The following SGCZ variants were observed in gnomAD, a reference collection of about 807,000 sequenced individuals.
The protein encoded by SGCZ is sarcoglycan zeta.
Under a neutral mutation model 41.3 loss-of-function variants are expected in SGCZ, and 40 were observed. That is an observed-to-expected ratio of 0.97 (90% CI 0.75 to 1.26). SGCZ has a LOEUF of 1.26. SGCZ is among the 50% of genes most tolerant of loss of function. SGCZ has a pLI of 0.00. For synonymous variants in SGCZ, 206 were observed against 137.5 expected (o/e 1.50, Z -3.49); for missense variants, 552 against 369.8 (o/e 1.49, Z -4.04).
chr8:14,661,222 A>T (rs1406645352), intron 1 of SGCZ, among the ~76,000 whole-genome samples: 1 of 152,164 alleles, frequency 6.6e-6, no homozygotes, highest in African/African-American at 2.4e-5. Context: ...ATGGTGTATA[A>T]AATTGCTGTG....
At chr8:14,796,357 G>A (rs1801129078) in intron 1 of SGCZ, among the ~76,000 whole-genome samples, 1 of 152,032 alleles carries the variant, frequency 6.6e-6, no homozygotes, top group African/African-American at 2.4e-5. Context: ...GGCCTCAAGT[G>A]ATCATTCCAC....
At chr8:15,117,491 A>G (rs1038302015) in intron 1 of SGCZ, among the ~76,000 whole-genome samples, 1 of 152,162 alleles carries the variant, frequency 6.6e-6, no homozygotes, top group African/African-American at 2.4e-5. Context: ...GAAGTTGAGA[A>G]TACAGAGGGA....
chr8:14,359,064 ATT>A (rs1196174954), intron 2 of SGCZ, among the ~76,000 whole-genome samples: 1 of 152,114 alleles, frequency 6.6e-6, no homozygotes, highest in African/African-American at 2.4e-5. Context: ...ATTCTTTGTT[ATT>A]TTAAAATATA....
At chr8:15,010,308 T>C (rs558356668) in intron 1 of SGCZ, among the ~76,000 whole-genome samples, 11 of 152,352 alleles carry the variant, frequency 7.2e-5, no homozygotes, top group African/African-American at 2.6e-4. Context: ...AATAACATTA[T>C]TAGTTTCTGC....
At chr8:14,447,265 T>A (rs1800459530) in intron 2 of SGCZ, among the ~76,000 whole-genome samples, 1 of 152,192 alleles carries the variant, frequency 6.6e-6, no homozygotes, top group Non-Finnish European at 1.5e-5. Flanking sequence ...CAAACCAAGA[T>A]CTTTTCTTGC....
intron 1 of SGCZ, among the ~76,000 whole-genome samples, chr8:14,691,665 T>C (rs1466672006): frequency 6.6e-6 from 1 of 151,958 alleles, no homozygotes; most frequent in Non-Finnish European, 1.5e-5. Flanking sequence ...GTTCCATAAA[T>C]AAAGAAAGCA....
At chr8:14,837,277 A>G (rs377571043) in intron 1 of SGCZ, among the ~76,000 whole-genome samples, 8 of 152,320 alleles carry the variant, frequency 5.3e-5, no homozygotes, top group Admixed American at 4.6e-4. Context: ...TTGCACAAAG[A>G]TCACAATGAA....
chr8:15,012,591 AATAT>A (rs994089666), intron 1 of SGCZ, among the ~76,000 whole-genome samples: 15 of 134,518 alleles, frequency 1.1e-4, no homozygotes, highest in African/African-American at 3.7e-4. Flanking sequence ...ATAACATATA[AATAT>A]ATATTTATAT....
intron 1 of SGCZ, among the ~76,000 whole-genome samples, chr8:15,132,574 A>T (rs1402318343): frequency 6.6e-6 from 1 of 152,294 alleles, no homozygotes; most frequent in East Asian, 1.9e-4. Flanking sequence ...TTTTGGGAGT[A>T]CTGTGGGTTT....
At position 14,411,100 on chromosome 8, in the gene SGCZ, A is replaced by T. The variant is rs191929636; in HGVS notation, c.235-86896T>A. On this transcript the variant is annotated intron_variant, in intron 2 of 7. Transcript: ENST00000382080. ...TAAACAACTCTACTATGAAATTAAA[A>T]TATCATTATGGCGCCAACCAATGCG... 3.3e-5 allele frequency among the ~76,000 whole-genome samples: 5 copies of T among 152,272 alleles called. No individual in the cohort carries two copies. The East Asian group carries it at 9.6e-4, about 29-fold the overall frequency.
intron 1 of SGCZ, among the ~76,000 whole-genome samples, chr8:14,712,914 A>G (rs767953336): frequency 6.6e-6 from 1 of 152,032 alleles, no homozygotes; most frequent in Non-Finnish European, 1.5e-5. Context: ...TTTTTAAACA[A>G]TAAACCAATT....
In SGCZ at chr8:14,729,012, C is replaced by G. The variant is rs540852079; in HGVS notation, c.40-174086G>C. 2.0e-5 allele frequency among the ~76,000 whole-genome samples: 3 copies of G among 152,282 alleles called. No homozygotes were observed. The South Asian group carries it at 6.2e-4, about 32-fold the overall frequency. On this transcript the variant is annotated intron_variant, in intron 1 of 7. Coordinates refer to ENST00000382080, the MANE Select transcript of SGCZ (RefSeq NM_139167.4). ...GTTTAGTGACCTAGTTTTAAAATTA[C>G]TCTTTGTAATGTGGTCACTAGGAAT...
At chr8:14,319,465 G>A (rs1051686461) in intron 3 of SGCZ, 1 of 152,020 alleles carries the variant, frequency 6.6e-6, no homozygotes, top group African/African-American at 2.4e-5. Context: ...CACTGTTACA[G>A]TTCTTTCAGA....
intron 5 of SGCZ, among the ~76,000 whole-genome samples, chr8:14,140,310 T>C (rs867133948): frequency 1.6e-4 from 25 of 152,250 alleles, no homozygotes; most frequent in African/African-American, 6.0e-4. Flanking sequence ...CTGTTGAAAG[T>C]TCTGGCCAGG....
chr8:14,656,304 T>G (rs1807566121), intron 1 of SGCZ, among the ~76,000 whole-genome samples: 1 of 151,988 alleles, frequency 6.6e-6, no homozygotes, highest in Admixed American at 6.6e-5. Context: ...CAGCAAGATT[T>G]GTTACAGCCC....
chr8:15,070,165 T>G (rs1311433758), intron 1 of SGCZ, among the ~76,000 whole-genome samples: 3 of 152,166 alleles, frequency 2.0e-5, no homozygotes, highest in Non-Finnish European at 4.4e-5. Context: ...ATATTAGTTA[T>G]TCTCAGCAAG....
intron 1 of SGCZ, among the ~76,000 whole-genome samples, chr8:14,630,959 A>T (rs1340062062): frequency 6.6e-6 from 1 of 152,124 alleles, no homozygotes; most frequent in Admixed American, 6.6e-5. Flanking sequence ...AATATGGCAC[A>T]TGTATACATA....
intron 1 of SGCZ, among the ~76,000 whole-genome samples, chr8:14,645,236 C>A (rs1400812123): frequency 6.6e-6 from 1 of 150,568 alleles, no homozygotes; most frequent in African/African-American, 2.4e-5. Context: ...AAAGGGTTCA[C>A]AATGACAACT....
intron 1 of SGCZ, among the ~76,000 whole-genome samples, chr8:14,777,034 A>G (rs1038171945): frequency 3.3e-5 from 5 of 152,208 alleles, no homozygotes; most frequent in African/African-American, 2.4e-5. Context: ...CATGTATTCT[A>G]TCTGTGAGGA....
Sources: allele counts gnomAD v4.1 joint callset (sites outside exome capture counted in the v4.1 genomes callset), GRCh38; gene constraint gnomAD v4.1.1; transcripts MANE v1.5; gene names NCBI Gene and HGNC (gene_info 2026-07-23, HGNC 2026-07-21).